Variants in FCHSD2 observed in about 807,000 individuals in gnomAD.
FCHSD2 encodes F-BAR and double SH3 domains protein 2.
Under a neutral mutation model 108.1 loss-of-function variants are expected in FCHSD2, and 38 were observed. The observed-to-expected ratio is 0.35, with a 90% CI of 0.27 to 0.46. FCHSD2 has a LOEUF of 0.46. Among genes scored for constraint, FCHSD2 ranks in the 20% least tolerant of loss-of-function variants. FCHSD2 has a pLI of 1.00. For synonymous variants in FCHSD2, 279 were observed against 314.7 expected (o/e 0.89, Z 1.20); for missense variants, 751 against 897.8 (o/e 0.84, Z 2.09).
intron 4 of FCHSD2, among the ~76,000 whole-genome samples, chr11:73,001,563 G>C (rs1013431235): frequency 6.6e-6 from 1 of 152,152 alleles, no homozygotes; most frequent in Non-Finnish European, 1.5e-5. Context: ...GGTCATATAA[G>C]AAGAAGGTGG....
chr11:73,028,598 A>G (rs1858284541), intron 3 of FCHSD2, among the ~76,000 whole-genome samples: 1 of 152,116 alleles, frequency 6.6e-6, no homozygotes, highest in South Asian at 2.1e-4. Context: ...GACTGTTGAG[A>G]CGGCATGATT....
intron 9 of FCHSD2, among the ~76,000 whole-genome samples, chr11:72,908,493 C>G (rs1855681514): frequency 6.6e-6 from 1 of 152,112 alleles, no homozygotes; most frequent in Non-Finnish European, 1.5e-5. Flanking sequence ...ATTTACATTC[C>G]CAGCAACAGT....
chr11:72,913,098 G>A (rs1340565233), intron 9 of FCHSD2, among the ~76,000 whole-genome samples: 2 of 152,118 alleles, frequency 1.3e-5, no homozygotes, highest in African/African-American at 4.8e-5. Context: ...CAGATCTCAT[G>A]AGGACTCACT....
intron 8 of FCHSD2, among the ~76,000 whole-genome samples, chr11:72,927,089 G>A (rs886498949): frequency 6.6e-6 from 1 of 152,168 alleles, no homozygotes; most frequent in Admixed American, 6.6e-5. Flanking sequence ...CAAAACAAAT[G>A]TATTTCAGTC....
chr11:72,881,194 T>C (rs966518119), intron 12 of FCHSD2, among the ~76,000 whole-genome samples: 1 of 152,138 alleles, frequency 6.6e-6, no homozygotes, highest in Admixed American at 6.5e-5. Flanking sequence ...TACCATGTAA[T>C]CTTATTAAAA....
At chr11:72,995,671 T>G (rs570285547) in intron 5 of FCHSD2, among the ~76,000 whole-genome samples, 2 of 147,682 alleles carry the variant, frequency 1.4e-5, no homozygotes, top group Non-Finnish European at 3.0e-5. Context: ...GCCACTGCAC[T>G]CTAGCAGGGG....
At chr11:72,912,288 C>G (rs772349410) in intron 9 of FCHSD2, among the ~76,000 whole-genome samples, 3 of 152,284 alleles carry the variant, frequency 2.0e-5, no homozygotes, top group South Asian at 2.1e-4. Flanking sequence ...GTCTGTTATA[C>G]ATGGCTTTTA....
At chr11:73,091,597 TATAG>T (rs1253715091) in intron 2 of FCHSD2, among the ~76,000 whole-genome samples, 1 of 152,034 alleles carries the variant, frequency 6.6e-6, no homozygotes, top group Non-Finnish European at 1.5e-5. Flanking sequence ...CAGACAGAAT[TATAG>T]AATGTCAAAC....
chr11:73,113,182 A>C (rs1203262966), intron 2 of FCHSD2, among the ~76,000 whole-genome samples: 1 of 151,858 alleles, frequency 6.6e-6, no homozygotes, highest in Admixed American at 6.6e-5. Context: ...TCTCTTTGCT[A>C]AGCTTATCTG....
chr11:72,985,106 TAA>T lies in FCHSD2; in HGVS notation c.530_531del (p.Leu177GlnfsTer22). 1 of 1,166,394 alleles carries T rather than the reference TAA, an allele frequency of 8.6e-7. No homozygotes were observed. The highest frequency in any genetic ancestry group is 1.2e-6 in the Non-Finnish European group (1 of 801,492). The allele number at this position is 1,166,394 out of a possible 1,614,324, so 72.3% of individuals were successfully genotyped here. A position where few individuals can be genotyped will look rare whatever the true frequency, so the allele number is the denominator to read the frequency against. Reference sequence around the variant, plus strand: ...AAACTGATTCTTGATTGAAAAAGACTAAGTTTAGATCTATAATAAAAATAGAA... The same window carrying T: ...AAACTGATTCTTGATTGAAAAAGACTGTTTAGATCTATAATAAAAATAGAA... Reference protein sequence around the residue: ...EKADIEAKSKLSLFQSRISLQ... With the variant: ...EKADIEAKSKXSLFQSRISLQ... On this transcript the variant is annotated frameshift_variant, in exon 7 of 20. Transcript: ENST00000409418. LOFTEE classifies it high-confidence loss of function.
intron 10 of FCHSD2, among the ~76,000 whole-genome samples, chr11:72,895,533 T>C (rs886569057): frequency 6.6e-6 from 1 of 152,134 alleles, no homozygotes; most frequent in Non-Finnish European, 1.5e-5. Context: ...ACAAGCTAGA[T>C]AGGGGAACTT....
chr11:73,051,231 G>A lies in FCHSD2; in HGVS notation c.165+32464C>T, dbSNP rs532185611. Among the ~76,000 whole-genome samples the A allele has an allele frequency of 3.3e-5, 5 of 152,226 alleles. No individual in the cohort carries two copies. The South Asian group carries it at 6.2e-4, about 19-fold the overall frequency. ...GTTGCATGCTGAGGAGGGAAAATCA[G>A]TTGAACCCAGGGGATTGAGGCTACG... On this transcript the variant is annotated intron_variant, in intron 3 of 19. Coordinates refer to ENST00000409418, the MANE Select transcript of FCHSD2 (RefSeq NM_014824.3).
intron 2 of FCHSD2, among the ~76,000 whole-genome samples, chr11:73,097,135 T>C (rs1565408712): frequency 6.6e-6 from 1 of 150,812 alleles, no homozygotes; most frequent in African/African-American, 2.4e-5. Flanking sequence ...CCCAAATAGC[T>C]AGAACTACAG....
rs1195205209 is a variant in FCHSD2, at chr11:72,988,950, G to A, written c.521+14C>T. 1 of 1,596,554 alleles carries A rather than the reference G, an allele frequency of 6.3e-7. No homozygotes were observed. Among genetic ancestry groups the A allele is most frequent in the South Asian group, 1.1e-5 (1 of 89,566 alleles). On this transcript the variant is annotated intron_variant, in intron 6 of 19. Transcript: ENST00000409418. ...TTTGCATAATAATTTTCTCAGAAAT[G>A]TTAAAACACATACTTTGCCTCGATG...
chr11:72,881,378 C>T (rs1338825067), intron 12 of FCHSD2, among the ~76,000 whole-genome samples: 1 of 151,990 alleles, frequency 6.6e-6, no homozygotes, highest in African/African-American at 2.4e-5. Flanking sequence ...ATCAAAAAGA[C>T]AAAAAATAAC....
intron 3 of FCHSD2, among the ~76,000 whole-genome samples, chr11:73,056,342 A>T (rs1483883383): frequency 6.6e-6 from 1 of 152,160 alleles, no homozygotes; most frequent in Non-Finnish European, 1.5e-5. Context: ...TTGCTAATTG[A>T]TGTACAGGAG....
intron 13 of FCHSD2, among the ~76,000 whole-genome samples, chr11:72,866,875 G>A (rs1385132323): frequency 6.6e-6 from 1 of 152,176 alleles, no homozygotes; most frequent in Non-Finnish European, 1.5e-5. Context: ...ATTTAAAGAG[G>A]CACTATGAAG....
At chr11:72,865,046 A>G (rs752289911) in intron 13 of FCHSD2, among the ~76,000 whole-genome samples, 2 of 152,202 alleles carry the variant, frequency 1.3e-5, no homozygotes, top group Non-Finnish European at 2.9e-5. Context: ...TTCCTTCCTT[A>G]TTCTATAAGG....
At chr11:72,849,991 C>G in intron 13 of FCHSD2, 102 bp from the exon 14 acceptor site, 1 of 828,484 alleles carries the variant, frequency 1.2e-6, no homozygotes, top group Non-Finnish European at 1.9e-6. Context: ...TGTTAATTTG[C>G]CTTTTAACTC....
Sources: gnomAD v4.1 joint callset for allele counts (sites outside exome capture counted in the v4.1 genomes callset) on GRCh38, gnomAD v4.1.1 for gene constraint, MANE v1.5 for transcripts, NCBI Gene and HGNC (gene_info 2026-07-23, HGNC 2026-07-21) for gene names.